Variants in LRP1 observed in about 807,000 individuals in gnomAD.
LRP1 encodes the protein LDL receptor related protein 1.
In LRP1, 51 loss-of-function variants were observed where a neutral mutation model predicts 541.5. The observed-to-expected ratio is 0.09, with a 90% CI of 0.08 to 0.12. The LOEUF (loss-of-function observed/expected upper bound fraction) is 0.12, where lower values mean the gene tolerates loss of function less well. Ranked by LOEUF, LRP1 falls within the 10% of genes least tolerant of loss-of-function variation. LRP1 has a pLI of 1.00. For synonymous variants in LRP1, 2,219 were observed against 2,470.8 expected, an observed-to-expected ratio of 0.90 and a Z score of 3.02; for missense variants, 3,878 against 6,376.2, an observed-to-expected ratio of 0.61 and a Z score of 13.34.
At position 57,165,102 on chromosome 12, in the gene LRP1, AGGTCCAT is replaced by A. The variant is rs1031208873; in HGVS notation, c.2531-693_2531-687del. 1.3e-5 allele frequency: 2 copies of A among 152,510 alleles called. No individual in the cohort carries two copies. The highest frequency in any genetic ancestry group is 2.9e-5 in the Non-Finnish European group (2 of 68,286). 9.4% of individuals were successfully genotyped at this position (152,510 alleles called of 1,614,324 possible). A position where few individuals can be genotyped will look rare whatever the true frequency, so the allele number is the denominator to read the frequency against. ...GCAAGGAGGACACATACCAGCCTCC[AGGTCCAT>A]GGTCCATGGGATACGGGAGGGGAAA... On this transcript the variant is annotated intron_variant, in intron 15 of 88. Coordinates refer to ENST00000243077, the MANE Select transcript of LRP1 (RefSeq NM_002332.3). The surrounding 1 kb of genome is among the most constrained non-coding windows in gnomAD (Gnocchi z 4.5).
rs1038820932 is a variant in LRP1, at chr12:57,128,672, T to C, written c.-293T>C. On this transcript the variant is annotated 5_prime_UTR_variant, in exon 1 of 89. Coordinates refer to ENST00000243077, the MANE Select transcript of LRP1 (RefSeq NM_002332.3). Reference sequence around the variant, plus strand: ...GCCGGAGGCGGCTCCGAGATGGGGCTGTGAGCTTCGCCCGGGGAGGGGGAA... The same window carrying C: ...GCCGGAGGCGGCTCCGAGATGGGGCCGTGAGCTTCGCCCGGGGAGGGGGAA... 5 of 398,314 alleles carry C rather than the reference T, an allele frequency of 1.3e-5. No individual in the cohort carries two copies. Among genetic ancestry groups the C allele is most frequent in the African/African-American group, 4.2e-5 (2 of 48,044 alleles). The allele number at this position is 398,314 out of a possible 1,614,324, so 24.7% of individuals were successfully genotyped here.
At chr12:57,145,201 C>A in intron 5 of LRP1, 26 bp from the exon 6 acceptor site, 1 of 1,613,802 alleles carries the variant, frequency 6.2e-7, no homozygotes, top group Non-Finnish European at 8.5e-7. Flanking sequence ...CCTGGCTGCA[C>A]GGACTCTTCT....
rs762602358 is a variant in LRP1, at chr12:57,211,540, G to A, written c.13145G>A (p.Ser4382Asn). The change falls in exon 85 of 89, where the codon AGC becomes AAC. Residue 4382 changes from serine (S) to asparagine (N), a missense_variant. Around this residue, in one of 13 missense-constraint regions of LRP1, gnomAD observed 871 missense variants for 1,212.4 expected, o/e 0.72. Transcript: ENST00000243077. The surrounding 1 kb of genome is among the most constrained non-coding windows in gnomAD (Gnocchi z 4.3). ...PSCLTCVGHC[S>N]NGGSCTMNSK... Reference sequence around the variant, plus strand: ...TGTCTGACCTGCGTCGGCCACTGCAGCAATGGCGGCTCCTGTACCATGAAC... The same window carrying A: ...TGTCTGACCTGCGTCGGCCACTGCAACAATGGCGGCTCCTGTACCATGAAC... 1.9e-6 allele frequency: 3 copies of A among 1,613,980 alleles called. No homozygotes were observed. The East Asian group carries it at 6.7e-5, about 36-fold the overall frequency.
rs2036570075 is a variant in LRP1 at position 57,197,805 on chromosome 12, T to C, written c.9282+141T>C. Reference sequence around the variant, plus strand: ...CTATATGACTGCTTGTTCTAGCTGCTCACTCTCCTCTGGGCCCAGACAGCA... The same window carrying C: ...CTATATGACTGCTTGTTCTAGCTGCCCACTCTCCTCTGGGCCCAGACAGCA... On this transcript the variant is annotated intron_variant, in intron 58 of 88. Coordinates refer to ENST00000243077, the MANE Select transcript of LRP1 (RefSeq NM_002332.3). This position sits in a 1 kb window ranked among gnomAD's most constrained non-coding sequence, Gnocchi z 4.5. 3 of 979,396 alleles carry C rather than the reference T, an allele frequency of 3.1e-6. No homozygotes were observed. The highest frequency in any genetic ancestry group is 4.4e-6 in the Non-Finnish European group (3 of 676,192). The allele number at this position is 979,396 out of a possible 1,614,324, so 60.7% of individuals were successfully genotyped here. A position where few individuals can be genotyped will look rare whatever the true frequency, so the allele number is the denominator to read the frequency against.
chr12:57,128,872 G>A lies in LRP1; in HGVS notation c.-93G>A. 1 of 1,075,218 alleles carries A rather than the reference G, an allele frequency of 9.3e-7. No individual in the cohort carries two copies. Among genetic ancestry groups the A allele is most frequent in the Non-Finnish European group, 1.3e-6 (1 of 741,102 alleles). 66.6% of individuals were successfully genotyped at this position (1,075,218 alleles called of 1,614,324 possible). A position where few individuals can be genotyped will look rare whatever the true frequency, so the allele number is the denominator to read the frequency against. On this transcript the variant is annotated 5_prime_UTR_variant, in exon 1 of 89. Coordinates refer to ENST00000243077, the MANE Select transcript of LRP1 (RefSeq NM_002332.3). ...AGAACAGAGAAGGAGGAGGGGGAAA[G>A]GAGGAAAAGGGGGACCCCCCAACTG...
At position 57,129,102 on chromosome 12, in the gene LRP1, G is replaced by T. The variant is rs1175367077; in HGVS notation, c.67+71G>T. Reference sequence around the variant, plus strand: ...TCCCCAGCCCCCACTCCTGCATACGGATGGGGAAGGGAGACGCGGGAGGGG... The same window carrying T: ...TCCCCAGCCCCCACTCCTGCATACGTATGGGGAAGGGAGACGCGGGAGGGG... On this transcript the variant is annotated intron_variant, in intron 1 of 88. Coordinates refer to ENST00000243077, the MANE Select transcript of LRP1 (RefSeq NM_002332.3). 4 of 1,448,806 alleles carry T rather than the reference G, an allele frequency of 2.8e-6. No individual in the cohort carries two copies. The Admixed American group carries it at 5.9e-5, about 21-fold the overall frequency. 89.7% of individuals were successfully genotyped at this position (1,448,806 alleles called of 1,614,324 possible). A position where few individuals can be genotyped will look rare whatever the true frequency, so the allele number is the denominator to read the frequency against.
chr12:57,154,609 C>T lies in LRP1; in HGVS notation c.1135C>T (p.Arg379Cys), dbSNP rs147618860. 19 of 1,611,028 alleles carry T rather than the reference C, an allele frequency of 1.2e-5. No individual in the cohort carries two copies. Among genetic ancestry groups the T allele is most frequent in the South Asian group, 6.6e-5 (6 of 90,524 alleles). The change falls in exon 8 of 89, where the codon CGC (arginine) becomes TGC (cysteine). Residue 379 changes from arginine to cysteine, a missense_variant. Physicochemically the swap from Arg to Cys is radical, Grantham distance 180 (BLOSUM62 -3). This residue lies in a region of LRP1 where 496 missense variants were observed against 861.0 expected (regional missense o/e 0.58). Coordinates refer to ENST00000243077, the MANE Select transcript of LRP1 (RefSeq NM_002332.3). The surrounding 1 kb of genome is among the most constrained non-coding windows in gnomAD (Gnocchi z 4.6). ...TGGCATCACGCTGGACCTGGTCAGC[C>T]GCCTTGTCTACTGGGCAGATGCCTA... is the stretch of plus-strand genomic sequence containing the variant. ...PHGITLDLVS[R>C]LVYWADAYLD...
Position 57,206,576 on chromosome 12 carries a change from G to C in LRP1, c.11694G>C (p.Glu3898Asp). 2 of 1,614,224 alleles carry C rather than the reference G, an allele frequency of 1.2e-6. No individual in the cohort carries two copies. Among genetic ancestry groups the C allele is most frequent in the Non-Finnish European group, 1.7e-6 (2 of 1,180,050 alleles). ...SAYEQAFQGD[E>D]SVRIDAMDVH... The stretch of plus-strand genomic sequence containing the variant: ...ACGAGCAGGCATTCCAGGGTGACGA[G>C]AGTGTCCGCATTGATGCTATGGATG... Residue 3898 changes from glutamate (E) to aspartate (D), a missense_variant, in exon 76 of 89, where the codon GAG becomes GAC. This residue lies in a region of LRP1 where 871 missense variants were observed against 1,212.4 expected (regional missense o/e 0.72). Coordinates refer to ENST00000243077, the MANE Select transcript of LRP1 (RefSeq NM_002332.3). This position sits in a 1 kb window ranked among gnomAD's most constrained non-coding sequence, Gnocchi z 4.7.
chr12:57,144,727 A>G, intron 4 of LRP1: 1 of 541,508 alleles, frequency 1.8e-6, no homozygotes, highest in Non-Finnish European at 3.3e-6. Flanking sequence ...CCTGACCCAT[A>G]GTAGGGACTC....
At position 57,208,210 on chromosome 12, in the gene LRP1, T is replaced by C. The variant is rs1565756461; in HGVS notation, c.12032T>C (p.Leu4011Pro). Residue 4011 changes from leucine to proline, a missense_variant, in exon 77 of 89, where the codon CTG becomes CCG. Leu to Pro is a moderately conservative substitution (Grantham distance 98). Around this residue, in one of 13 missense-constraint regions of LRP1, gnomAD observed 871 missense variants for 1,212.4 expected, o/e 0.72. Coordinates refer to ENST00000243077, the MANE Select transcript of LRP1 (RefSeq NM_002332.3). ...CCCCACGCCATTGTGGTGGACCCAC[T>C]GAGGGGGTGGGCAAGGGCCCTGGGG... ...DEPHAIVVDP[L>P]RGTMYWSDWG... is the part of the protein sequence containing the mutation. 1 of 1,613,248 alleles carries C rather than the reference T, an allele frequency of 6.2e-7. No individual in the cohort carries two copies. Among genetic ancestry groups the C allele is most frequent in the Non-Finnish European group, 8.5e-7 (1 of 1,179,730 alleles).
In LRP1 at chr12:57,201,921, A is replaced by G. The variant is rs2036665299; in HGVS notation, c.10594+16A>G. 5 of 1,613,122 alleles carry G rather than the reference A, an allele frequency of 3.1e-6. No homozygotes were observed. The East Asian group carries it at 1.1e-4, about 36-fold the overall frequency. ...GAAGAGTGTGGTGAGCCGAGACCCC[A>G]CTCCAGGAGGAAGACAGTCTACCTG... is the stretch of plus-strand genomic sequence containing the variant. On this transcript the variant is annotated intron_variant, in intron 67 of 88. Transcript: ENST00000243077. This position sits in a 1 kb window ranked among gnomAD's most constrained non-coding sequence, Gnocchi z 6.4.
rs1565732832 is a variant in LRP1 at position 57,173,917 on chromosome 12, CCT to C, written c.3485_3486del (p.Pro1162ArgfsTer5). 1 of 1,614,250 alleles carries C rather than the reference CCT, an allele frequency of 6.2e-7. No individual in the cohort carries two copies. The highest frequency in any genetic ancestry group is 8.5e-7 in the Non-Finnish European group (1 of 1,180,048). On this transcript the variant is annotated frameshift_variant, in exon 22 of 89. Coordinates refer to ENST00000243077, the MANE Select transcript of LRP1 (RefSeq NM_002332.3). LOFTEE classifies it high-confidence loss of function. The surrounding 1 kb of genome is among the most constrained non-coding windows in gnomAD (Gnocchi z 4.7). ...CAACAACACCTCAGTCTGCCTGCCC[CCT>C]GACAAGCTGTGTGATGGCAACGACG... ...CANNTSVCLP[P>X]DKLCDGNDDC...
At position 57,205,278 on chromosome 12, in the gene LRP1, G is replaced by C. The variant is rs372912088; in HGVS notation, c.11335+29G>C. ...AGGCCCGGCAGCGGACCGGACGCTG[G>C]TGGGGAGTGGGGAGAGCCAAGCCCT... is the stretch of plus-strand genomic sequence containing the variant. On this transcript the variant is annotated intron_variant, in intron 73 of 88. Transcript: ENST00000243077. This position sits in a 1 kb window ranked among gnomAD's most constrained non-coding sequence, Gnocchi z 4.6. 56 of 1,598,916 alleles carry C rather than the reference G, an allele frequency of 3.5e-5. No individual in the cohort carries two copies. The highest frequency in any genetic ancestry group is 2.2e-5 in the Non-Finnish European group (26 of 1,170,308).
chr12:57,181,016 C>A, intron 33 of LRP1, 141 bp from the exon 34 acceptor site: 1 of 1,245,714 alleles, frequency 8.0e-7, no homozygotes, highest in Non-Finnish European at 1.1e-6. Context: ...GGACAGAAAA[C>A]CTGAGAGCTG....
chr12:57,203,236 G>A lies in LRP1; in HGVS notation c.10767G>A (p.Ala3589=), dbSNP rs35236030. Reference sequence around the variant, plus strand: ...CCTGTGCCAACGGCCGCTGCATCGCGGGGCGCTGGAAATGCGATGGAGACC... The same window carrying A: ...CCTGTGCCAACGGCCGCTGCATCGCAGGGCGCTGGAAATGCGATGGAGACC... ...EFSCANGRCI[A]GRWKCDGDHD... Residue 3589 remains alanine, a synonymous_variant, in exon 69 of 89, where the codon GCG becomes GCA. Coordinates refer to ENST00000243077, the MANE Select transcript of LRP1 (RefSeq NM_002332.3). 2.3e-5 allele frequency: 37 copies of A among 1,610,980 alleles called. No homozygotes were observed. Among genetic ancestry groups the A allele is most frequent in the Non-Finnish European group, 3.1e-5 (36 of 1,178,714 alleles).
intron 62 of LRP1, 24 bp downstream of exon 62, chr12:57,200,049 T>A: frequency 6.4e-7 from 1 of 1,560,132 alleles, no homozygotes; most frequent in Non-Finnish European, 8.6e-7. Flanking sequence ...CCAGACCCCA[T>A]CACCAGTGCC....
rs370847663 is a variant in LRP1, at chr12:57,202,283, C to T, written c.10595-138C>T. Reference sequence around the variant, plus strand: ...TTATAGACCCCACGTCTCAAAACACCGCCTGGGCTCCCCGCGGCTGACCCT... The same window carrying T: ...TTATAGACCCCACGTCTCAAAACACTGCCTGGGCTCCCCGCGGCTGACCCT... On this transcript the variant is annotated intron_variant, in intron 67 of 88. Transcript: ENST00000243077. The T allele has an allele frequency of 9.0e-4, 665 of 736,846 alleles. 5 individuals carry two copies. The African/African-American group carries it at 9.6e-3, about 11-fold the overall frequency. 45.6% of individuals were successfully genotyped at this position (736,846 alleles called of 1,614,324 possible).
At position 57,179,459 on chromosome 12, in the gene LRP1, T is replaced by C. The variant is rs1331608600; in HGVS notation, c.4869T>C (p.Asp1623=). Reference sequence around the variant, plus strand: ...ACAACGTCACAGTGCTAGACTACGATGCCCGCGAGCAGCGTGTGTACTGGT... The same window carrying C: ...ACAACGTCACAGTGCTAGACTACGACGCCCGCGAGCAGCGTGTGTACTGGT... The part of the protein sequence containing the change: ...DIDNVTVLDY[D]AREQRVYWSD... The change falls in exon 29 of 89, where the codon GAT becomes GAC. Residue 1623 remains aspartate, a synonymous_variant. Transcript: ENST00000243077. The surrounding 1 kb of genome is among the most constrained non-coding windows in gnomAD (Gnocchi z 6.8). 1.2e-6 allele frequency: 2 copies of C among 1,614,120 alleles called. No individual in the cohort carries two copies. Among genetic ancestry groups the C allele is most frequent in the African/African-American group, 2.7e-5 (2 of 74,944 alleles).
rs946960716 is a variant in LRP1, at chr12:57,201,719, C to T, written c.10469-61C>T. ...TCAGTGGCTGCTCCCTCACTCTCCC[C>T]ACCCTCCCGGCACACTCCTGGAAGG... On this transcript the variant is annotated intron_variant, in intron 66 of 88. Transcript: ENST00000243077. The surrounding 1 kb of genome is among the most constrained non-coding windows in gnomAD (Gnocchi z 6.4). The T allele has an allele frequency of 5.0e-6, 8 of 1,599,866 alleles. No homozygotes were observed. The Admixed American group carries it at 1.2e-4, about 23-fold the overall frequency.
Sources: allele counts gnomAD v4.1 joint callset, GRCh38; gene constraint gnomAD v4.1.1; regional missense constraint gnomAD v4.1.1; non-coding constraint Gnocchi (gnomAD v3.1); transcripts MANE v1.5; gene names NCBI Gene and HGNC (gene_info 2026-07-23, HGNC 2026-07-21).